The following NTRK3 variants were observed in gnomAD, a reference collection of about 807,000 sequenced individuals.
The protein encoded by NTRK3 is NT-3 growth factor receptor.
In NTRK3, 24 loss-of-function variants were observed where a neutral mutation model predicts 91.7. That is an observed-to-expected ratio of 0.26 (90% CI 0.19 to 0.37). The LOEUF (loss-of-function observed/expected upper bound fraction) is 0.37, where lower values mean the gene tolerates loss of function less well. Among genes scored for constraint, NTRK3 ranks in the 10% least tolerant of loss-of-function variants. The pLI is 1.00. For synonymous variants in NTRK3, 483 were observed against 404.0 expected (o/e 1.20, Z -2.34); for missense variants, 880 against 1,068.9 (o/e 0.82, Z 2.46).
At chr15:88,038,493 A>C (rs999184403) in intron 13 of NTRK3, among the ~76,000 whole-genome samples, 4 of 152,144 alleles carry the variant, frequency 2.6e-5, no homozygotes, top group Non-Finnish European at 5.9e-5. Flanking sequence ...GGTCAAGACA[A>C]GTCTTCCTTG....
At chr15:88,102,525 A>G (rs2050279553) in intron 13 of NTRK3, among the ~76,000 whole-genome samples, 1 of 152,212 alleles carries the variant, frequency 6.6e-6, no homozygotes. Flanking sequence ...TTCCTAACAC[A>G]AAGAAATGAT....
chr15:88,084,695 C>T (rs1008471146), intron 13 of NTRK3, among the ~76,000 whole-genome samples: 2 of 152,194 alleles, frequency 1.3e-5, no homozygotes, highest in Admixed American at 6.5e-5. Context: ...TGCACAAAGA[C>T]GTCCCCCTGC....
At chr15:88,056,207 T>A (rs866219970) in intron 13 of NTRK3, among the ~76,000 whole-genome samples, 1,336 of 28,460 alleles carry the variant, frequency 0.047, 33 homozygotes, top group African/African-American at 0.097. Context: ...TATATATTTT[T>A]TTTTTAATGT....
At chr15:87,973,926 A>T (rs896418356) in intron 14 of NTRK3, among the ~76,000 whole-genome samples, 7 of 152,220 alleles carry the variant, frequency 4.6e-5, no homozygotes, top group African/African-American at 1.7e-4. Context: ...CACAGGAGTC[A>T]GTAAACCCTG....
chr15:88,070,879 G>A (rs1244146354), intron 13 of NTRK3, among the ~76,000 whole-genome samples: 2 of 152,132 alleles, frequency 1.3e-5, no homozygotes, highest in African/African-American at 4.8e-5. Flanking sequence ...AAAACCCAAG[G>A]AGAGAGAAAA....
exon 19 of NTRK3, chr15:87,875,427 G>A (rs1005817608): frequency 2.0e-4 from 46 of 231,968 alleles, no homozygotes; most frequent in South Asian, 5.4e-4. Flanking sequence ...CCAGTGCTGG[G>A]GCAGAGGGAG....
At chr15:88,184,092 T>C (rs2046752253) in intron 4 of NTRK3, 133 bp downstream of exon 4, 1 of 862,158 alleles carries the variant, frequency 1.2e-6, no homozygotes, top group East Asian at 2.6e-5. Context: ...TTGCCAACTC[T>C]ACCAAAAGAA....
intron 17 of NTRK3, among the ~76,000 whole-genome samples, chr15:87,882,746 A>G (rs1260994908): frequency 6.6e-6 from 1 of 152,106 alleles, no homozygotes; most frequent in Non-Finnish European, 1.5e-5. Context: ...GCTTACTAAA[A>G]TTTTAAAGTA....
intron 6 of NTRK3, among the ~76,000 whole-genome samples, chr15:88,144,524 C>T (rs1350856346): frequency 6.6e-6 from 1 of 152,080 alleles, no homozygotes; most frequent in Non-Finnish European, 1.5e-5. Context: ...AGAGGCCGAG[C>T]ATGTAGGGTG....
At chr15:88,026,046 T>C (rs28434317) in intron 14 of NTRK3, among the ~76,000 whole-genome samples, 35,963 of 151,894 alleles carry the variant, frequency 0.24, 6,963 homozygotes, top group African/African-American at 0.54. Flanking sequence ...CCGGGACGGG[T>C]AGATCACTAG....
chr15:88,092,696 C>T (rs577554036), intron 13 of NTRK3, among the ~76,000 whole-genome samples: 5 of 152,346 alleles, frequency 3.3e-5, no homozygotes, highest in Admixed American at 3.3e-4. Context: ...GCTGCACTCC[C>T]TCTGGAGGCT....
At chr15:88,201,271 T>C (rs996907210) in intron 3 of NTRK3, among the ~76,000 whole-genome samples, 1 of 152,176 alleles carries the variant, frequency 6.6e-6, no homozygotes, top group African/African-American at 2.4e-5. Context: ...CACCTATTGA[T>C]AGTTTTATTC....
At chr15:87,995,901 C>T (rs1381544893) in intron 14 of NTRK3, among the ~76,000 whole-genome samples, 1 of 152,188 alleles carries the variant, frequency 6.6e-6, no homozygotes, top group Non-Finnish European at 1.5e-5. Context: ...ATATAATTTT[C>T]ACGTGTTACA....
chr15:88,181,505 G>T (rs2151593918), intron 5 of NTRK3, among the ~76,000 whole-genome samples: 1 of 152,236 alleles, frequency 6.6e-6, no homozygotes, highest in East Asian at 1.9e-4. Context: ...CCTAAGAGCT[G>T]CAGGGACACC....
chr15:88,224,292 G>T (rs1345457869), intron 3 of NTRK3, among the ~76,000 whole-genome samples: 1 of 152,174 alleles, frequency 6.6e-6, no homozygotes, highest in Non-Finnish European at 1.5e-5. Context: ...CAGAGACTAG[G>T]ACAGGCTGAA....
At chr15:87,993,460 G>C (rs1467402854) in intron 14 of NTRK3, among the ~76,000 whole-genome samples, 1 of 152,152 alleles carries the variant, frequency 6.6e-6, no homozygotes, top group African/African-American at 2.4e-5. Context: ...TGATGAAGGG[G>C]AAAAGAAGAC....
intron 17 of NTRK3, among the ~76,000 whole-genome samples, chr15:87,923,144 G>C (rs1490588508): frequency 2.0e-5 from 3 of 152,208 alleles, no homozygotes; most frequent in Non-Finnish European, 4.4e-5. Flanking sequence ...ATGGAATGTG[G>C]AAAAACAATG....
chr15:87,923,391 T>C (rs1278204998), intron 17 of NTRK3, among the ~76,000 whole-genome samples: 1 of 152,132 alleles, frequency 6.6e-6, no homozygotes, highest in Non-Finnish European at 1.5e-5. Flanking sequence ...TTTTAGCTGG[T>C]TGGGACATAG....
exon 19 of NTRK3, chr15:87,871,334 T>G (rs937925064): frequency 4.3e-6 from 1 of 231,230 alleles, no homozygotes; most frequent in Non-Finnish European, 8.6e-6. Flanking sequence ...GGGCAGCCCA[T>G]GCTCAGAGCA....
Sources: gnomAD v4.1 joint callset for allele counts (sites outside exome capture counted in the v4.1 genomes callset) on GRCh38, gnomAD v4.1.1 for gene constraint, MANE v1.5 for transcripts, NCBI Gene and HGNC (gene_info 2026-07-23, HGNC 2026-07-21) for gene names.